BTBD9: variants seen among roughly 807,000 people sequenced by gnomAD.
BTBD9 encodes BTB/POZ domain-containing protein 9.
BTBD9 carries 49 observed loss-of-function variants against 64.3 expected under a neutral mutation model. The observed-to-expected ratio is 0.76, with a 90% CI of 0.61 to 0.97. The LOEUF (loss-of-function observed/expected upper bound fraction) is 0.97, where lower values mean the gene tolerates loss of function less well. Among genes scored for constraint, BTBD9 ranks in the 50% least tolerant of loss-of-function variants. The pLI, the probability that BTBD9 is intolerant of heterozygous loss-of-function variation, is 0.00. For missense variants in BTBD9, 598 were observed against 762.1 expected (o/e 0.78, Z 2.53); for synonymous variants, 260 against 274.7 (o/e 0.95, Z 0.53).
At chr6:38,280,962 A>G (rs776347614) in intron 8 of BTBD9, among the ~76,000 whole-genome samples, 4 of 152,142 alleles carry the variant, frequency 2.6e-5, no homozygotes, top group Non-Finnish European at 5.9e-5. Context: ...TGCTGCAAAG[A>G]CTCAAGCTCA....
chr6:38,416,915 G>T (rs1010221462), intron 6 of BTBD9, among the ~76,000 whole-genome samples: 6 of 152,036 alleles, frequency 3.9e-5, no homozygotes, highest in Admixed American at 1.3e-4. Flanking sequence ...TTTGCCCAAG[G>T]ACCTCGTGGT....
At chr6:38,555,030 C>A (rs1042600269) in intron 6 of BTBD9, among the ~76,000 whole-genome samples, 2 of 152,198 alleles carry the variant, frequency 1.3e-5, no homozygotes, top group African/African-American at 4.8e-5. Context: ...AATATTGCTA[C>A]AGTCCCCTCC....
At chr6:38,484,434 T>C (rs1010373140) in intron 6 of BTBD9, among the ~76,000 whole-genome samples, 2 of 152,250 alleles carry the variant, frequency 1.3e-5, no homozygotes, top group Non-Finnish European at 2.9e-5. Context: ...AATCAGTTCC[T>C]GAAGAAGAAT....
At chr6:38,608,944 C>T (rs1221056720) in intron 1 of BTBD9, among the ~76,000 whole-genome samples, 1 of 152,064 alleles carries the variant, frequency 6.6e-6, no homozygotes, top group African/African-American at 2.4e-5. Flanking sequence ...AAAGAAGAAG[C>T]AGAAGAAAAA....
Position 38,345,118 on chromosome 6 carries a change from G to T in BTBD9, c.1155-25C>A, listed in dbSNP as rs1046404916. 3 of 1,515,846 alleles carry T rather than the reference G, an allele frequency of 2.0e-6. No homozygotes were observed. The South Asian group carries it at 3.4e-5, about 17-fold the overall frequency. 93.9% of individuals were successfully genotyped at this position (1,515,846 alleles called of 1,614,324 possible). A position where few individuals can be genotyped will look rare whatever the true frequency, so the allele number is the denominator to read the frequency against. ...CCTGACGGTAAAAAGAAAAGAAAATGTGTTGAAAATGAGCTCCCACCACAA... is the reference window on the plus strand; with the variant it reads ...CCTGACGGTAAAAAGAAAAGAAAATTTGTTGAAAATGAGCTCCCACCACAA... On this transcript the variant is annotated intron_variant, in intron 6 of 10. Transcript: ENST00000481247.
At chr6:38,520,709 G>A (rs1016401109) in intron 6 of BTBD9, among the ~76,000 whole-genome samples, 2 of 151,962 alleles carry the variant, frequency 1.3e-5, no homozygotes, top group African/African-American at 2.4e-5. Context: ...GAGGTGGGAG[G>A]AGCGCTTTAG....
At chr6:38,561,463 T>C (rs537263173) in intron 6 of BTBD9, among the ~76,000 whole-genome samples, 121 of 152,184 alleles carry the variant, frequency 8.0e-4, no homozygotes, top group Non-Finnish European at 1.4e-3. Flanking sequence ...CAAAGGAAAA[T>C]AAATTGTTTT....
chr6:38,405,711 A>G (rs1233690154), intron 6 of BTBD9, among the ~76,000 whole-genome samples: 2 of 152,194 alleles, frequency 1.3e-5, no homozygotes, highest in Admixed American at 6.5e-5. Flanking sequence ...TATTTGTTCT[A>G]TAACTTTTTA....
chr6:38,583,143 G>A (rs780925223), intron 4 of BTBD9, among the ~76,000 whole-genome samples: 6 of 152,220 alleles, frequency 3.9e-5, no homozygotes, highest in Admixed American at 3.9e-4. Flanking sequence ...AAGTGGAGGT[G>A]CAAAGTCTGT....
chr6:38,471,961 C>G (rs1038935825), intron 6 of BTBD9, among the ~76,000 whole-genome samples: 2 of 152,090 alleles, frequency 1.3e-5, no homozygotes, highest in African/African-American at 4.8e-5. Context: ...CCTCTATAAG[C>G]CAGTTAGAAA....
At chr6:38,587,019 T>C (rs1852979) in intron 4 of BTBD9, among the ~76,000 whole-genome samples, 98,986 of 151,154 alleles carry the variant, frequency 0.65, 32,802 homozygotes, top group African/African-American at 0.76. Flanking sequence ...GCCGAGATTG[T>C]GTCGTTGCAT....
intron 1 of BTBD9, among the ~76,000 whole-genome samples, chr6:38,603,896 A>G (rs1249212672): frequency 1.3e-5 from 2 of 152,236 alleles, no homozygotes; most frequent in Non-Finnish European, 2.9e-5. Context: ...AATTTGAAGT[A>G]GTATTCCTTA....
chr6:38,306,409 G>A (rs970195624), intron 7 of BTBD9, among the ~76,000 whole-genome samples: 21 of 152,202 alleles, frequency 1.4e-4, no homozygotes, highest in African/African-American at 3.9e-4. Context: ...AAGGTGAACC[G>A]CCTGGACAGA....
chr6:38,364,005 T>G (rs1765085912), intron 6 of BTBD9, among the ~76,000 whole-genome samples: 1 of 152,168 alleles, frequency 6.6e-6, no homozygotes, highest in Admixed American at 6.5e-5. Context: ...AGAATCCTGG[T>G]CACTTGGGGG....
chr6:38,225,751 C>T (rs931926245), intron 9 of BTBD9, among the ~76,000 whole-genome samples: 3 of 147,822 alleles, frequency 2.0e-5, no homozygotes, highest in African/African-American at 7.5e-5. Flanking sequence ...CGAGGGACTA[C>T]CTATGAGAGG....
intron 1 of BTBD9, among the ~76,000 whole-genome samples, chr6:38,600,406 G>A (rs1415091185): frequency 2.0e-5 from 3 of 152,190 alleles, no homozygotes; most frequent in Non-Finnish European, 4.4e-5. Context: ...CCTAGGCAAA[G>A]GATCAGACTG....
chr6:38,462,558 G>C (rs1770148116), intron 6 of BTBD9, among the ~76,000 whole-genome samples: 1 of 152,064 alleles, frequency 6.6e-6, no homozygotes, highest in Admixed American at 6.5e-5. Context: ...ATATCTTAAA[G>C]TCAGGTAAAC....
chr6:38,383,948 TG>T (rs1471090695), intron 6 of BTBD9, among the ~76,000 whole-genome samples: 1 of 152,134 alleles, frequency 6.6e-6, no homozygotes, highest in Non-Finnish European at 1.5e-5. Flanking sequence ...TGGCAGACAG[TG>T]CCTTTTGTAT....
chr6:38,320,457 T>C (rs1763190717), intron 7 of BTBD9, among the ~76,000 whole-genome samples: 1 of 152,228 alleles, frequency 6.6e-6, no homozygotes, highest in Non-Finnish European at 1.5e-5. Flanking sequence ...CTTTCCATCA[T>C]ATCTACATAT....
Sources: allele counts gnomAD v4.1 joint callset (sites outside exome capture counted in the v4.1 genomes callset), GRCh38; gene constraint gnomAD v4.1.1; transcripts MANE v1.5; gene names NCBI Gene and HGNC (gene_info 2026-07-23, HGNC 2026-07-21).